KIF17: variants seen among roughly 807,000 people sequenced by gnomAD.
KIF17 encodes kinesin family member 17.
A neutral mutation model predicts 96.8 loss-of-function variants in KIF17; 80 were observed. The ratio of observed to expected loss-of-function variants is 0.83; its 90% CI spans 0.69 to 1.00. KIF17 has a LOEUF of 1.00. KIF17 is among the 50% of genes least tolerant of loss of function. The probability of loss-of-function intolerance (pLI) is 0.00; values close to 1 mark genes in which losing one functional copy is unlikely to be tolerated. For missense variants in KIF17, 1,280 were observed against 1,372.9 expected (o/e 0.93, Z 1.07); for synonymous variants, 567 against 587.5 (o/e 0.97, Z 0.51).
chr1:20,714,014 C>G (rs560690003), intron 2 of KIF17, among the ~76,000 whole-genome samples: 2 of 152,094 alleles, frequency 1.3e-5, no homozygotes, highest in African/African-American at 4.8e-5. Flanking sequence ...AGGTGAAACC[C>G]CCGTCTCTAC....
At chr1:20,703,180 T>TGGATGAATGGATGGATGGATGGAC (rs372148537) in intron 5 of KIF17, among the ~76,000 whole-genome samples, 1 of 149,872 alleles carries the variant, frequency 6.7e-6, no homozygotes, top group South Asian at 2.1e-4. Flanking sequence ...GATGGATGAA[T>TGGATGAATGGATGGATGGATGGAC]GGATGGACGG....
intron 7 of KIF17, among the ~76,000 whole-genome samples, chr1:20,689,671 T>C (rs74190107): frequency 8.3e-6 from 1 of 121,198 alleles, no homozygotes; most frequent in Non-Finnish European, 1.7e-5. Flanking sequence ...AATTTTTTTT[T>C]AAAAAAAAAG....
At chr1:20,693,215 C>G (rs1008437092) in intron 6 of KIF17, 3 of 150,960 alleles carry the variant, frequency 2.0e-5, no homozygotes, top group African/African-American at 7.3e-5. Context: ...GGGTCACTAA[C>G]TGTTTCCTCC....
intron 13 of KIF17, among the ~76,000 whole-genome samples, chr1:20,668,274 C>T (rs2053569163): frequency 6.6e-6 from 1 of 151,724 alleles, no homozygotes; most frequent in African/African-American, 2.4e-5. Flanking sequence ...TGCACCACTG[C>T]ACTCCAGCCT....
intron 11 of KIF17, among the ~76,000 whole-genome samples, chr1:20,677,021 C>T (rs1276348130): frequency 7.3e-5 from 11 of 151,224 alleles, no homozygotes; most frequent in East Asian, 5.9e-4. Context: ...GACCAGCCTG[C>T]GCAACATGGT....
chr1:20,698,967 C>T (rs932939865), intron 5 of KIF17, among the ~76,000 whole-genome samples: 6 of 152,026 alleles, frequency 3.9e-5, no homozygotes, highest in African/African-American at 7.2e-5. Context: ...ATATATTTAT[C>T]GAGACAGGGT....
At position 20,704,407 on chromosome 1, in the gene KIF17, G is replaced by A. The variant is rs1394259228; in HGVS notation, c.1123+40C>T. Reference sequence around the variant, plus strand: ...ACAGAGGGAAGGAAGCTTTCTCCTGGGGACCTGGCCCTCCCGCCACTACCC... The same window carrying A: ...ACAGAGGGAAGGAAGCTTTCTCCTGAGGACCTGGCCCTCCCGCCACTACCC... On this transcript the variant is annotated intron_variant, in intron 5 of 14. Coordinates refer to ENST00000400463, the MANE Select transcript of KIF17 (RefSeq NM_001122819.3). This position sits in a 1 kb window ranked among gnomAD's most constrained non-coding sequence, Gnocchi z 6.8. 2 of 1,534,464 alleles carry A rather than the reference G, an allele frequency of 1.3e-6. No individual in the cohort carries two copies. Among genetic ancestry groups the A allele is most frequent in the African/African-American group, 2.7e-5 (2 of 73,252 alleles).
At chr1:20,684,447 T>C (rs773439461) in intron 10 of KIF17, among the ~76,000 whole-genome samples, 1 of 152,226 alleles carries the variant, frequency 6.6e-6, no homozygotes, top group Non-Finnish European at 1.5e-5. Context: ...CCCCCGGCGG[T>C]CCCAGAGAGT....
intron 11 of KIF17, among the ~76,000 whole-genome samples, chr1:20,677,679 C>G (rs1239327835): frequency 2.0e-5 from 3 of 152,086 alleles, no homozygotes; most frequent in Non-Finnish European, 4.4e-5. Context: ...CACAGTGAAA[C>G]CTCATCTCTA....
intron 8 of KIF17, chr1:20,686,501 TAC>T (rs10573512): frequency 0.91 from 219,332 of 239,918 alleles, 100,396 homozygotes; most frequent in East Asian, 0.96. Flanking sequence ...ACACACAAAA[TAC>T]ACACACACAC....
At chr1:20,712,457 G>A (rs2054453908) in intron 3 of KIF17, among the ~76,000 whole-genome samples, 1 of 144,858 alleles carries the variant, frequency 6.9e-6, no homozygotes. Flanking sequence ...CCAGCTACCG[G>A]GGGCGCTGAG....
intron 11 of KIF17, among the ~76,000 whole-genome samples, chr1:20,681,395 T>C (rs1283979047): frequency 6.6e-6 from 1 of 151,800 alleles, no homozygotes; most frequent in Non-Finnish European, 1.5e-5. Context: ...TTTCACCATG[T>C]TGGCCAGGCT....
At position 20,698,426 on chromosome 1, in the gene KIF17, G is replaced by C; in HGVS notation, c.1186C>G (p.Pro396Ala). 1.9e-6 allele frequency: 3 copies of C among 1,613,900 alleles called. No homozygotes were observed. The highest frequency in any genetic ancestry group is 2.5e-6 in the Non-Finnish European group (3 of 1,179,988). Residue 396 changes from proline (P) to alanine (A), a missense_variant, in exon 6 of 15, where the codon CCT (proline) becomes GCT (alanine). By Grantham distance (27) the Pro-to-Ala change is conservative. Transcript: ENST00000400463. Reference protein sequence around the residue: ...VQVEEKLLPQPVIQHDVEAEK... With the variant: ...VQVEEKLLPQAVIQHDVEAEK... Reference sequence around the variant, plus strand: ...GCCTCCACGTCATGCTGGATCACAGGTTGGGGCAACAGCTTCTCCTCCACC... The same window carrying C: ...GCCTCCACGTCATGCTGGATCACAGCTTGGGGCAACAGCTTCTCCTCCACC...
chr1:20,712,901 CTATAT>C (rs577132340), intron 3 of KIF17, among the ~76,000 whole-genome samples: 2 of 97,402 alleles, frequency 2.1e-5, no homozygotes, highest in African/African-American at 4.3e-5. Flanking sequence ...ATAATATTAT[CTATAT>C]TATATATATA....
In KIF17 at chr1:20,709,417, G is replaced by A. The variant is rs956359079; in HGVS notation, c.670+222C>T. Reference sequence around the variant, plus strand: ...ATAAATAAAAATTGTCTGGCACACAGTGAGCGCTCAATGTTGGCTCCCAGT... The same window carrying A: ...ATAAATAAAAATTGTCTGGCACACAATGAGCGCTCAATGTTGGCTCCCAGT... On this transcript the variant is annotated intron_variant, in intron 4 of 14. Coordinates refer to ENST00000400463, the MANE Select transcript of KIF17 (RefSeq NM_001122819.3). This position sits in a 1 kb window ranked among gnomAD's most constrained non-coding sequence, Gnocchi z 4.7. Among the ~76,000 whole-genome samples, 4 of 152,150 alleles carry A rather than the reference G, an allele frequency of 2.6e-5. No homozygotes were observed. The highest frequency in any genetic ancestry group is 5.9e-5 in the Non-Finnish European group (4 of 68,022).
Position 20,713,037 on chromosome 1 carries a change from C to T in KIF17, c.480+417G>A, listed in dbSNP as rs571247114. On this transcript the variant is annotated intron_variant, in intron 3 of 14. Coordinates refer to ENST00000400463, the MANE Select transcript of KIF17 (RefSeq NM_001122819.3). Reference sequence around the variant, plus strand: ...TTGAGACGGAGTCTCACTGTGTTGCCCAGGCTGGAGTGCAGTGGCACAATC... The same window carrying T: ...TTGAGACGGAGTCTCACTGTGTTGCTCAGGCTGGAGTGCAGTGGCACAATC... Among the ~76,000 whole-genome samples, 301 of 145,858 alleles carry T rather than the reference C, an allele frequency of 2.1e-3. 2 individuals carry two copies. Among genetic ancestry groups the T allele is most frequent in the Non-Finnish European group, 3.6e-3 (242 of 67,070 alleles).
chr1:20,668,449 G>A (rs527332144), intron 13 of KIF17, among the ~76,000 whole-genome samples: 8 of 152,196 alleles, frequency 5.3e-5, no homozygotes, highest in African/African-American at 1.7e-4. Flanking sequence ...GGTATCTATC[G>A]CTTGGAGCTG....
downstream of KIF17, among the ~76,000 whole-genome samples, chr1:20,662,919 C>G (rs776234829): frequency 3.3e-5 from 5 of 152,234 alleles, no homozygotes; most frequent in Admixed American, 3.3e-4. Flanking sequence ...GAAAGGCACT[C>G]TTTGTTCCCC....
In KIF17 at chr1:20,672,268, C is replaced by A; in HGVS notation, c.2464-72G>T. 1 of 1,582,018 alleles carries A rather than the reference C, an allele frequency of 6.3e-7. No homozygotes were observed. The highest frequency in any genetic ancestry group is 8.6e-7 in the Non-Finnish European group (1 of 1,164,734). On this transcript the variant is annotated intron_variant, in intron 11 of 14. Transcript: ENST00000400463. The surrounding 1 kb of genome is among the most constrained non-coding windows in gnomAD (Gnocchi z 4.3). ...CTTCCATCTAACCACCCTGTCCACTCACTGTCCTGCCAGCAGCCACGCATC... is the reference window on the plus strand; with the variant it reads ...CTTCCATCTAACCACCCTGTCCACTAACTGTCCTGCCAGCAGCCACGCATC...
Sources: allele counts gnomAD v4.1 joint callset (sites outside exome capture counted in the v4.1 genomes callset), GRCh38; gene constraint gnomAD v4.1.1; non-coding constraint Gnocchi (gnomAD v3.1); transcripts MANE v1.5; gene names NCBI Gene and HGNC (gene_info 2026-07-23, HGNC 2026-07-21).